NLRP1: variants seen among roughly 807,000 people sequenced by gnomAD.
The protein encoded by NLRP1 is NACHT, LRR and PYD domains-containing protein 1.
NLRP1 carries 94 observed loss-of-function variants against 136.7 expected under a neutral mutation model. The ratio of observed to expected loss-of-function variants is 0.69; its 90% CI spans 0.58 to 0.82. NLRP1 has a LOEUF of 0.82. NLRP1 is among the 40% of genes least tolerant of loss of function. The pLI is 0.00. For missense variants in NLRP1, 1,575 were observed against 1,802.7 expected (o/e 0.87, Z 2.29); for synonymous variants, 690 against 725.1 (o/e 0.95, Z 0.78).
Position 5,536,872 on chromosome 17 carries a change from T to A in NLRP1, c.2939A>T (p.Gln980Leu), listed in dbSNP as rs1204833684. ...ELRALEQEKP[Q>L]LLIFSRRKPS... ...TTACCGTCTGCTGAAGATGAGCAGCTGAGGTTTCTCCTGCTCCAGGGCCCT... is the reference window on the plus strand; with the variant it reads ...TTACCGTCTGCTGAAGATGAGCAGCAGAGGTTTCTCCTGCTCCAGGGCCCT... The change falls in exon 8 of 17, where the codon CAG (glutamine) becomes CTG (leucine). Residue 980 changes from glutamine to leucine, a missense_variant. Coordinates refer to ENST00000572272, the MANE Select transcript of NLRP1 (RefSeq NM_033004.4). The A allele has an allele frequency of 6.2e-7, 1 of 1,612,938 alleles. No individual in the cohort carries two copies. Among genetic ancestry groups the A allele is most frequent in the East Asian group, 2.2e-5 (1 of 44,848 alleles).
At chr17:5,563,130 A>C (rs952832549) in intron 3 of NLRP1, among the ~76,000 whole-genome samples, 4 of 152,224 alleles carry the variant, frequency 2.6e-5, no homozygotes, top group Non-Finnish European at 5.9e-5. Flanking sequence ...CATCCAAAGG[A>C]AGACAACTTC....
chr17:5,566,792 C>T (rs1915386451), intron 3 of NLRP1, among the ~76,000 whole-genome samples: 1 of 152,012 alleles, frequency 6.6e-6, no homozygotes, highest in African/African-American at 2.4e-5. Context: ...GTATTGAGGC[C>T]TATCTCTCTC....
Position 5,514,646 on chromosome 17 carries a change from T to G in NLRP1, c.*108A>C. The G allele has an allele frequency of 6.6e-7, 1 of 1,524,878 alleles. No homozygotes were observed. Among genetic ancestry groups the G allele is most frequent in the East Asian group, 2.3e-5 (1 of 43,560 alleles). 94.5% of individuals were successfully genotyped at this position (1,524,878 alleles called of 1,614,324 possible). ...CATCATCAAAGTTCCATTACTTTAG[T>G]GCTGGAAGGCAAACCAGATGGCAAC... On this transcript the variant is annotated 3_prime_UTR_variant, in exon 17 of 17. Coordinates refer to ENST00000572272, the MANE Select transcript of NLRP1 (RefSeq NM_033004.4).
chr17:5,565,311 T>C (rs1915214416), intron 3 of NLRP1, among the ~76,000 whole-genome samples: 1 of 152,246 alleles, frequency 6.6e-6, no homozygotes, highest in South Asian at 2.1e-4. Flanking sequence ...TCTAATCTTT[T>C]AACTATTTTT....
downstream of NLRP1, chr17:5,512,041 C>G (rs1025512662): frequency 1.9e-5 from 12 of 646,126 alleles, no homozygotes; most frequent in East Asian, 2.9e-4. Context: ...TAGTTGTTAT[C>G]AAAAATTAAC....
intron 12 of NLRP1, among the ~76,000 whole-genome samples, chr17:5,523,394 G>T (rs985462231): frequency 6.6e-6 from 1 of 152,108 alleles, no homozygotes; most frequent in African/African-American, 2.4e-5. Context: ...ATTTTCTGCC[G>T]CCTGTCTCCG....
intron 3 of NLRP1, among the ~76,000 whole-genome samples, chr17:5,565,278 A>G (rs1482824703): frequency 1.3e-5 from 2 of 152,170 alleles, no homozygotes; most frequent in Non-Finnish European, 2.9e-5. Flanking sequence ...CCATTTGTAT[A>G]TCTTCTTCTG....
In NLRP1 at chr17:5,530,827, C is replaced by T. The variant is rs1910144370; in HGVS notation, c.3297-123G>A. The T allele has an allele frequency of 1.2e-5, 8 of 692,632 alleles. No individual in the cohort carries two copies. The South Asian group carries it at 1.2e-4, about 10-fold the overall frequency. The allele number at this position is 692,632 out of a possible 1,614,324, so 42.9% of individuals were successfully genotyped here. On this transcript the variant is annotated intron_variant, in intron 11 of 16. Coordinates refer to ENST00000572272, the MANE Select transcript of NLRP1 (RefSeq NM_033004.4). ...TGGCTTCAAGCCCAGACTTCGGAAT[C>T]AGATGGACTTGCATTTTAGTCCTGG... is the stretch of plus-strand genomic sequence containing the variant.
At chr17:5,530,736 T>C (rs750048821) in intron 11 of NLRP1, 32 bp from the exon 12 acceptor site, 3 of 1,560,658 alleles carry the variant, frequency 1.9e-6, no homozygotes, top group Admixed American at 1.7e-5. Flanking sequence ...AGACACTTAC[T>C]GCACGAACTC....
chr17:5,572,570 C>T (rs1476781188), intron 3 of NLRP1, among the ~76,000 whole-genome samples: 6 of 151,890 alleles, frequency 4.0e-5, no homozygotes, highest in East Asian at 1.9e-4. Context: ...ATTAGCTGGG[C>T]GTAGTGGTGC....
rs143215644 is a variant in NLRP1 at position 5,558,551 on chromosome 17, A to G, written c.2145T>C (p.Ser715=). ...PSLQLLLQPH[S]LESLHCLYET... ...CGTACAAGCAGTGGAGGGACTCCAG[A>G]GAGTGTGGCTGCAGCAGCAGCTGCA... Residue 715 remains serine, a synonymous_variant, in exon 4 of 17, where the codon TCT becomes TCC. Coordinates refer to ENST00000572272, the MANE Select transcript of NLRP1 (RefSeq NM_033004.4). The G allele has an allele frequency of 4.6e-5, 75 of 1,614,004 alleles. 4 individuals are homozygous for G. In the African/African-American group the frequency reaches 8.5e-4, roughly 18 times the overall value.
intron 3 of NLRP1, among the ~76,000 whole-genome samples, chr17:5,570,308 A>T (rs1915734808): frequency 6.6e-6 from 1 of 152,122 alleles, no homozygotes; most frequent in African/African-American, 2.4e-5. Context: ...CAAAAGATCA[A>T]CAAAACCAAA....
chr17:5,541,849 A>G lies in NLRP1; in HGVS notation c.2699+8T>C. 6.2e-7 allele frequency: 1 copy of G among 1,613,536 alleles called. No individual in the cohort carries two copies. ...CTCCACCTCCCCCTGCCCACCAAGA[A>G]CAATTACTGCAGTCGCTGTAGCTTG... is the stretch of plus-strand genomic sequence containing the variant. On this transcript the variant is annotated splice_region_variant and intron_variant, in intron 6 of 16. Coordinates refer to ENST00000572272, the MANE Select transcript of NLRP1 (RefSeq NM_033004.4). The surrounding 1 kb of genome is among the most constrained non-coding windows in gnomAD (Gnocchi z 4.2).
At chr17:5,539,374 A>G (rs1292766820) in intron 7 of NLRP1, 41 bp downstream of exon 7, 2 of 1,565,028 alleles carry the variant, frequency 1.3e-6, no homozygotes, top group Non-Finnish European at 1.7e-6. Context: ...TACCCCCCCA[A>G]CCCTCTTCCC....
At chr17:5,544,924 G>A (rs544742784) in intron 5 of NLRP1, among the ~76,000 whole-genome samples, 140 of 152,220 alleles carry the variant, frequency 9.2e-4, no homozygotes, top group Non-Finnish European at 1.5e-3. Flanking sequence ...AGACACTGTG[G>A]GAGCGGCCAT....
At chr17:5,535,273 T>C (rs1419735945) in intron 8 of NLRP1, among the ~76,000 whole-genome samples, 1 of 151,812 alleles carries the variant, frequency 6.6e-6, no homozygotes, top group Non-Finnish European at 1.5e-5. Context: ...TCTGATTCAG[T>C]GGGTCTGGAG....
chr17:5,550,736 G>A (rs912824295), intron 5 of NLRP1, among the ~76,000 whole-genome samples: 12 of 151,934 alleles, frequency 7.9e-5, no homozygotes, highest in Non-Finnish European at 1.6e-4. Flanking sequence ...CTTGCTTTTG[G>A]TTTTGTTTGC....
chr17:5,521,099 T>C, intron 13 of NLRP1, 87 bp from the exon 14 acceptor site: 1 of 1,364,868 alleles, frequency 7.3e-7, no homozygotes, highest in Non-Finnish European at 1.0e-6. Context: ...TCTGTGTGTT[T>C]GTGTGGACAG....
chr17:5,560,490 C>T (rs1914613122), intron 3 of NLRP1, among the ~76,000 whole-genome samples: 1 of 152,202 alleles, frequency 6.6e-6, no homozygotes, highest in African/African-American at 2.4e-5. Context: ...TCCCAAGCAC[C>T]TGCTATTGCA....
Sources: gnomAD v4.1 joint callset for allele counts (sites outside exome capture counted in the v4.1 genomes callset) on GRCh38, gnomAD v4.1.1 for gene constraint, Gnocchi (gnomAD v3.1) non-coding constraint, MANE v1.5 for transcripts, NCBI Gene and HGNC (gene_info 2026-07-23, HGNC 2026-07-21) for gene names.